Variants in RPTOR observed in about 807,000 individuals in gnomAD.
RPTOR encodes the protein regulatory associated protein of MTOR complex 1, also known as regulatory-associated protein of mTOR.
A neutral mutation model predicts 169.9 loss-of-function variants in RPTOR; 21 were observed. The ratio of observed to expected loss-of-function variants is 0.12; its 90% CI spans 0.09 to 0.18. The LOEUF is 0.18. Ranked by LOEUF, RPTOR falls within the 10% of genes least tolerant of loss-of-function variation. The pLI, the probability that RPTOR is intolerant of heterozygous loss-of-function variation, is 1.00. For synonymous variants in RPTOR, 732 were observed against 753.2 expected (o/e 0.97, Z 0.46); for missense variants, 1,133 against 1,855.9 (o/e 0.61, Z 7.16).
intron 20 of RPTOR, among the ~76,000 whole-genome samples, chr17:80,907,114 C>T (rs1350858483): frequency 6.6e-6 from 1 of 152,258 alleles, no homozygotes; most frequent in African/African-American, 2.4e-5. Context: ...ACCCACTCCA[C>T]GTGCGCAGCT....
intron 1 of RPTOR, among the ~76,000 whole-genome samples, chr17:80,564,497 A>G (rs1011260903): frequency 1.3e-5 from 2 of 151,898 alleles, no homozygotes; most frequent in Non-Finnish European, 1.5e-5. Context: ...AACAACATTT[A>G]TTTTAGGTTT....
chr17:80,866,563 CAAAG>C (rs529519594), intron 13 of RPTOR, among the ~76,000 whole-genome samples: 391 of 152,208 alleles, frequency 2.6e-3, no homozygotes, highest in Non-Finnish European at 4.4e-3. Flanking sequence ...GATAAGGAAA[CAAAG>C]AAGACACAAA....
intron 6 of RPTOR, chr17:80,773,883 G>A (rs867273448): frequency 2.5e-5 from 25 of 985,230 alleles, no homozygotes; most frequent in African/African-American, 7.0e-5. Flanking sequence ...CTCAGACGTC[G>A]ACCGCTTCTG....
rs1161167425 is a variant in RPTOR at position 80,748,513 on chromosome 17, C to T, written c.655-5497C>T. Among the ~76,000 whole-genome samples, 13 of 100,450 alleles carry T rather than the reference C, an allele frequency of 1.3e-4. 1 individual carries two copies. The highest frequency in any genetic ancestry group is 4.6e-4 in the African/African-American group (10 of 21,916). 65.9% of individuals were successfully genotyped at this position (100,450 alleles called of 152,430 possible). ...GAGGGCCTGTTGGATGGAGGGACTGCGGTGTGTGTTTAGAGGCCATGGCGG... is the reference window on the plus strand; with the variant it reads ...GAGGGCCTGTTGGATGGAGGGACTGTGGTGTGTGTTTAGAGGCCATGGCGG... On this transcript the variant is annotated intron_variant, in intron 5 of 33. Transcript: ENST00000306801.
At chr17:80,647,508 G>A in intron 3 of RPTOR, among the ~76,000 whole-genome samples, 1 of 152,104 alleles carries the variant, frequency 6.6e-6, no homozygotes, top group South Asian at 2.1e-4. Flanking sequence ...AAGCAGGAGG[G>A]GCCTCGCTCT....
chr17:80,757,455 C>T (rs1326442431), intron 6 of RPTOR, among the ~76,000 whole-genome samples: 1 of 152,144 alleles, frequency 6.6e-6, no homozygotes, highest in Admixed American at 6.5e-5. Context: ...GTTTATGAGG[C>T]ACACGTTACA....
rs2067906363 is a variant in RPTOR, at chr17:80,860,544, C to T, written c.1509+2644C>T. Among the ~76,000 whole-genome samples the T allele has an allele frequency of 6.6e-6, 1 of 152,136 alleles. No homozygotes were observed. Among genetic ancestry groups the T allele is most frequent in the Non-Finnish European group, 1.5e-5 (1 of 68,026 alleles). ...ATAGCCTCCCCACACCCCAAGTCCT[C>T]ACGTACTACTTTGGTGTCACAGCTG... On this transcript the variant is annotated intron_variant, in intron 13 of 33. Coordinates refer to ENST00000306801, the MANE Select transcript of RPTOR (RefSeq NM_020761.3). The surrounding 1 kb of genome is among the most constrained non-coding windows in gnomAD (Gnocchi z 5.8).
At chr17:80,704,075 C>T (rs56397459) in intron 3 of RPTOR, among the ~76,000 whole-genome samples, 13,684 of 152,144 alleles carry the variant, frequency 0.09, 692 homozygotes, top group African/African-American at 0.14. Context: ...GTTGCTGCTG[C>T]GCTGATTTGA....
intron 3 of RPTOR, among the ~76,000 whole-genome samples, chr17:80,647,913 G>A (rs368848950): frequency 3.9e-5 from 6 of 152,180 alleles, no homozygotes; most frequent in Non-Finnish European, 8.8e-5. Context: ...GCCCTGGTTT[G>A]TGGATTACAG....
intron 3 of RPTOR, among the ~76,000 whole-genome samples, chr17:80,686,409 C>G (rs1213106547): frequency 6.6e-6 from 1 of 150,902 alleles, no homozygotes; most frequent in Non-Finnish European, 1.5e-5. Context: ...ATGCATAACA[C>G]CTCCTTTGAA....
intron 3 of RPTOR, among the ~76,000 whole-genome samples, chr17:80,669,201 G>A (rs1032475938): frequency 2.6e-5 from 4 of 152,228 alleles, no homozygotes; most frequent in African/African-American, 7.2e-5. Context: ...GCATTTCCCA[G>A]CTGCTGCACA....
At chr17:80,911,493 A>T (rs1447545519) in intron 21 of RPTOR, among the ~76,000 whole-genome samples, 1 of 152,188 alleles carries the variant, frequency 6.6e-6, no homozygotes, top group African/African-American at 2.4e-5. Context: ...TACAAAAATA[A>T]ACCTCAGGCT....
intron 1 of RPTOR, among the ~76,000 whole-genome samples, chr17:80,612,340 A>G (rs376445649): frequency 4.6e-5 from 7 of 152,136 alleles, no homozygotes; most frequent in Admixed American, 1.3e-4. Flanking sequence ...TGTGTTGCCC[A>G]GGCTGGTCTT....
In RPTOR at chr17:80,730,754, T is replaced by TTTTTA; in HGVS notation, c.654+48_654+49insTTTTA. ...AGCGGTGCTGGGTTTGGTTTTGTTT[T>TTTTTA]CCCTGGGGGTGGGGTTTGGGTGGGG... is the stretch of plus-strand genomic sequence containing the variant. On this transcript the variant is annotated intron_variant, in intron 5 of 33. Transcript: ENST00000306801. The surrounding 1 kb of genome is among the most constrained non-coding windows in gnomAD (Gnocchi z 4.2). 1.4e-6 allele frequency: 1 copy of TTTTTA among 721,656 alleles called. No homozygotes were observed. The highest frequency in any genetic ancestry group is 2.2e-6 in the Non-Finnish European group (1 of 457,704). The allele number at this position is 721,656 out of a possible 1,614,324, so 44.7% of individuals were successfully genotyped here.
chr17:80,840,974 TCA>T (rs1209031310), intron 10 of RPTOR, among the ~76,000 whole-genome samples: 1 of 34,562 alleles, frequency 2.9e-5, no homozygotes. Flanking sequence ...GCACGGCAGC[TCA>T]CATTCACCAC....
intron 6 of RPTOR, among the ~76,000 whole-genome samples, chr17:80,755,720 C>T (rs934412781): frequency 4.6e-5 from 6 of 130,378 alleles, no homozygotes; most frequent in Non-Finnish European, 6.2e-5. Context: ...GCCTGGGTGA[C>T]GGAGCAAGAC....
chr17:80,847,603 G>C (rs2067746421), intron 11 of RPTOR, among the ~76,000 whole-genome samples: 1 of 152,228 alleles, frequency 6.6e-6, no homozygotes, highest in Non-Finnish European at 1.5e-5. Context: ...GGCAGGGAAT[G>C]AGCAGGCCCC....
chr17:80,827,050 G>T (rs1034465326), intron 9 of RPTOR, among the ~76,000 whole-genome samples: 2 of 152,224 alleles, frequency 1.3e-5, no homozygotes, highest in Non-Finnish European at 2.9e-5. Context: ...CTCACACCAG[G>T]CTCGGGCTCC....
chr17:80,758,074 G>A (rs79638276), intron 6 of RPTOR, among the ~76,000 whole-genome samples: 9,093 of 152,226 alleles, frequency 0.06, 920 homozygotes, highest in African/African-American at 0.21. Flanking sequence ...AATCACTATA[G>A]GAGATCCTAA....
Sources: allele counts gnomAD v4.1 joint callset (sites outside exome capture counted in the v4.1 genomes callset), GRCh38; gene constraint gnomAD v4.1.1; non-coding constraint Gnocchi (gnomAD v3.1); transcripts MANE v1.5; gene names NCBI Gene and HGNC (gene_info 2026-07-23, HGNC 2026-07-21).